Variants in CRISP2 observed in about 807,000 individuals in gnomAD.
CRISP2 encodes cysteine-rich secretory protein 2.
A neutral mutation model predicts 31.7 loss-of-function variants in CRISP2; 29 were observed. That is an observed-to-expected ratio of 0.92 (90% CI 0.68 to 1.25). The LOEUF (loss-of-function observed/expected upper bound fraction) is 1.25. Ranked by LOEUF, CRISP2 falls within the 50% of genes most tolerant of loss-of-function variation. The pLI is 0.00. For missense variants in CRISP2, 318 were observed against 286.5 expected (o/e 1.11, Z -0.79); for synonymous variants, 111 against 101.4 (o/e 1.09, Z -0.57).
the CRISP2 span, among the ~76,000 whole-genome samples, chr6:49,682,029 G>T: frequency 6.6e-6 from 1 of 152,010 alleles, no homozygotes; most frequent in Non-Finnish European, 1.5e-5. Context: ...ATTGTGCCAG[G>T]CTGTAGAGTT....
chr6:49,695,879 T>C lies in CRISP2; in HGVS notation c.561A>G (p.Thr187=). Residue 187 remains threonine (T), a synonymous_variant, in exon 9 of 10, where the codon ACA becomes ACG. Transcript: ENST00000339139. ...AGTCATCAGGGCAACCGGCACAAGG[T>C]GTTCCTTGTTGGTACGGGGTATTCT... is the stretch of plus-strand genomic sequence containing the variant. The part of the protein sequence containing the change: ...NRKNTPYQQG[T]PCAGCPDDCD... 2.5e-6 allele frequency: 4 copies of C among 1,613,266 alleles called. No homozygotes were observed. Among genetic ancestry groups the C allele is most frequent in the Non-Finnish European group, 3.4e-6 (4 of 1,179,508 alleles).
At chr6:49,712,272 A>C (rs1174020965) in intron 2 of CRISP2, among the ~76,000 whole-genome samples, 2 of 152,136 alleles carry the variant, frequency 1.3e-5, no homozygotes, top group Non-Finnish European at 2.9e-5. Context: ...GAATTCTATA[A>C]TAGGCCATGA....
downstream of CRISP2, among the ~76,000 whole-genome samples, chr6:49,689,584 TA>T (rs1326873671): frequency 6.6e-6 from 1 of 152,134 alleles, no homozygotes; most frequent in Non-Finnish European, 1.5e-5. Flanking sequence ...AAAATAGGTA[TA>T]AAAATTTCTT....
the CRISP2 span, among the ~76,000 whole-genome samples, chr6:49,687,058 G>A: frequency 6.6e-6 from 1 of 152,046 alleles, no homozygotes. Flanking sequence ...GTTGTGGGAT[G>A]GGGGGAGAGG....
chr6:49,712,340 AC>A (rs1768173163), intron 2 of CRISP2, among the ~76,000 whole-genome samples, 160 bp downstream of exon 2: 1 of 152,060 alleles, frequency 6.6e-6, no homozygotes, highest in African/African-American at 2.4e-5. Context: ...TCTAACCTAT[AC>A]TCATCTTCAT....
Position 49,709,114 on chromosome 6 carries a change from T to C in CRISP2, c.66+17A>G. 6.2e-7 allele frequency: 1 copy of C among 1,611,926 alleles called. No individual in the cohort carries two copies. The highest frequency in any genetic ancestry group is 2.2e-5 in the East Asian group (1 of 44,854). Reference sequence around the variant, plus strand: ...GTTGCTGGATAGCTCTGAAAAGATTTTCCATTTTAACCTTACCTTTCCTTC... The same window carrying C: ...GTTGCTGGATAGCTCTGAAAAGATTCTCCATTTTAACCTTACCTTTCCTTC... On this transcript the variant is annotated intron_variant, in intron 4 of 9. Coordinates refer to ENST00000339139, the MANE Select transcript of CRISP2 (RefSeq NM_003296.4).
intron 4 of CRISP2, among the ~76,000 whole-genome samples, 174 bp from the exon 5 acceptor site, chr6:49,700,958 G>A (rs1430650726): frequency 6.6e-6 from 1 of 152,010 alleles, no homozygotes; most frequent in Non-Finnish European, 1.5e-5. Context: ...TAGTTGTTAA[G>A]CATTGCCACT....
chr6:49,701,365 G>A (rs1765647643), intron 4 of CRISP2, among the ~76,000 whole-genome samples: 2 of 151,416 alleles, frequency 1.3e-5, no homozygotes, highest in Admixed American at 6.6e-5. Context: ...TATTAGTGAG[G>A]ACATATGATG....
downstream of CRISP2, among the ~76,000 whole-genome samples, chr6:49,689,995 C>T (rs1763998176): frequency 6.6e-6 from 1 of 152,002 alleles, no homozygotes; most frequent in African/African-American, 2.4e-5. Context: ...TCTATATCTG[C>T]TTTATTGGAA....
intron 3 of CRISP2, among the ~76,000 whole-genome samples, chr6:49,709,458 G>C (rs1441178711): frequency 6.6e-6 from 1 of 152,130 alleles, no homozygotes; most frequent in African/African-American, 2.4e-5. Flanking sequence ...CTATAAAAGA[G>C]AGAGACCTAC....
chr6:49,699,696 T>C, intron 6 of CRISP2, 108 bp downstream of exon 6: 1 of 759,642 alleles, frequency 1.3e-6, no homozygotes, highest in African/African-American at 1.8e-5. Context: ...AAGACAGCAG[T>C]ATAAGTAACA....
chr6:49,693,505 T>G (rs896161567), intron 9 of CRISP2, among the ~76,000 whole-genome samples: 13 of 152,144 alleles, frequency 8.5e-5, no homozygotes, highest in Admixed American at 4.6e-4. Context: ...CTTTTCCTTT[T>G]GATGTTTCTA....
chr6:49,682,183 A>G, the CRISP2 span, among the ~76,000 whole-genome samples: 7 of 152,036 alleles, frequency 4.6e-5, no homozygotes, highest in Admixed American at 3.3e-4. Context: ...TCTTATTTTC[A>G]CAAACTTTTT....
chr6:49,712,756 A>G (rs375951798), intron 1 of CRISP2, among the ~76,000 whole-genome samples, 152 bp from the exon 2 acceptor site: 64 of 152,222 alleles, frequency 4.2e-4, no homozygotes, highest in African/African-American at 1.5e-3. Context: ...CAGCGTTAAG[A>G]CCATATTGTC....
chr6:49,701,500 G>GTATA lies in CRISP2; in HGVS notation c.67-720_67-717dup, dbSNP rs1165518459. On this transcript the variant is annotated intron_variant, in intron 4 of 9. Coordinates refer to ENST00000339139, the MANE Select transcript of CRISP2 (RefSeq NM_003296.4). ...AGCAGTATTACGTGTGTGTGTGTGT[G>GTATA]TATATATATATATATATATATATAT... Among the ~76,000 whole-genome samples, 68 of 46,550 alleles carry GTATA rather than the reference G, an allele frequency of 1.5e-3. 2 individuals are homozygous for GTATA. Among genetic ancestry groups the GTATA allele is most frequent in the African/African-American group, 6.7e-3 (65 of 9,738 alleles). 30.5% of individuals were successfully genotyped at this position (46,550 alleles called of 152,430 possible).
the CRISP2 span, among the ~76,000 whole-genome samples, chr6:49,683,342 C>T: frequency 1.3e-5 from 2 of 151,752 alleles, no homozygotes; most frequent in Non-Finnish European, 2.9e-5. Context: ...AAGGTTTAAT[C>T]CATTTCTTGT....
intron 8 of CRISP2, among the ~76,000 whole-genome samples, chr6:49,697,243 T>C (rs1045652075): frequency 6.6e-6 from 1 of 152,182 alleles, no homozygotes; most frequent in Non-Finnish European, 1.5e-5. Flanking sequence ...GCATGTTTAC[T>C]GCTACAAATC....
At chr6:49,687,778 C>T (rs1296611056), downstream of CRISP2, among the ~76,000 whole-genome samples, 1 of 152,202 alleles carries the variant, frequency 6.6e-6, no homozygotes, top group Non-Finnish European at 1.5e-5. Context: ...GTGGGTTTCT[C>T]CTCTCATGTA....
chr6:49,701,964 T>TA (rs1339008866), intron 4 of CRISP2, among the ~76,000 whole-genome samples: 4 of 1,412 alleles, frequency 2.8e-3, no homozygotes, highest in Non-Finnish European at 3.5e-3. Context: ...TATTATATTA[T>TA]ACATAATATA....
Sources: allele counts gnomAD v4.1 joint callset (sites outside exome capture counted in the v4.1 genomes callset), GRCh38; gene constraint gnomAD v4.1.1; transcripts MANE v1.5; gene names NCBI Gene and HGNC (gene_info 2026-07-23, HGNC 2026-07-21).